The following IMMP1L variants were observed in gnomAD, a reference collection of about 807,000 sequenced individuals.
The protein encoded by IMMP1L is mitochondrial inner membrane protease subunit 1.
In IMMP1L, 24 loss-of-function variants were observed where a neutral mutation model predicts 21.8. That is an observed-to-expected ratio of 1.10 (90% CI 0.80 to 1.55). The LOEUF (loss-of-function observed/expected upper bound fraction) is 1.55, where lower values mean the gene tolerates loss of function less well. IMMP1L is among the 40% of genes most tolerant of loss of function. The pLI is 0.00. For synonymous variants in IMMP1L, 46 were observed against 62.8 expected (o/e 0.73, Z 1.26); for missense variants, 195 against 200.7 (o/e 0.97, Z 0.17).
At chr11:31,461,885 G>A (rs776053912) in intron 2 of IMMP1L, among the ~76,000 whole-genome samples, 3 of 151,998 alleles carry the variant, frequency 2.0e-5, no homozygotes, top group South Asian at 2.1e-4. Context: ...ATCTAAATCC[G>A]ACAGTCTCCA....
chr11:31,494,736 G>T (rs184455708), intron 1 of IMMP1L, among the ~76,000 whole-genome samples: 227 of 152,082 alleles, frequency 1.5e-3, no homozygotes, highest in South Asian at 2.5e-3. Context: ...CCACCTCCCG[G>T]ATTTACTTAC....
chr11:31,503,271 C>T (rs1168817426), intron 1 of IMMP1L, among the ~76,000 whole-genome samples: 1 of 152,088 alleles, frequency 6.6e-6, no homozygotes, highest in South Asian at 2.1e-4. Context: ...AGCTAGTGCA[C>T]GCTCTTAACT....
chr11:31,433,328 C>T (rs994719890), intron 5 of IMMP1L, 132 bp downstream of exon 5: 13 of 538,246 alleles, frequency 2.4e-5, no homozygotes, highest in Admixed American at 1.1e-4. Flanking sequence ...TAAGTTAAGG[C>T]CAACAGGTTC....
intron 1 of IMMP1L, among the ~76,000 whole-genome samples, chr11:31,503,857 A>C (rs1032621344): frequency 6.6e-6 from 1 of 152,250 alleles, no homozygotes; most frequent in Non-Finnish European, 1.5e-5. Context: ...TGAGAGAAAG[A>C]AAGCCAGCCT....
chr11:31,450,199 ATGT>A (rs897221487), intron 4 of IMMP1L, among the ~76,000 whole-genome samples: 5 of 152,212 alleles, frequency 3.3e-5, no homozygotes, highest in Non-Finnish European at 7.4e-5. Context: ...GTAGTTCAAT[ATGT>A]CCAAAAGGCA....
At chr11:31,462,662 G>A (rs1954192224) in intron 2 of IMMP1L, among the ~76,000 whole-genome samples, 1 of 152,164 alleles carries the variant, frequency 6.6e-6, no homozygotes, top group African/African-American at 2.4e-5. Context: ...TACAGTTATT[G>A]TGGTTATGAG....
chr11:31,432,638 G>GCTAT, intron 5 of IMMP1L, 70 bp from the exon 6 acceptor site: 1 of 1,022,192 alleles, frequency 9.8e-7, no homozygotes, highest in Non-Finnish European at 1.6e-6. Flanking sequence ...ATTCCCTTTT[G>GCTAT]CTATCTGTCC....
rs1361273342 is a variant in IMMP1L, at chr11:31,507,478, T to C, written c.-30+2041A>G. 2.0e-5 allele frequency among the ~76,000 whole-genome samples: 3 copies of C among 152,124 alleles called. No individual in the cohort carries two copies. The East Asian group carries it at 5.8e-4, about 29-fold the overall frequency. ...CATCATCTTGGGAAATCTAAAGGGT[T>C]AAGTAAATACAGTAGGAAACAAGGG... On this transcript the variant is annotated intron_variant, in intron 1 of 5. Coordinates refer to ENST00000532287, the MANE Select transcript of IMMP1L (RefSeq NM_001304274.2).
intron 4 of IMMP1L, among the ~76,000 whole-genome samples, chr11:31,447,122 A>G (rs1046312839): frequency 6.6e-6 from 1 of 152,230 alleles, no homozygotes; most frequent in African/African-American, 2.4e-5. Flanking sequence ...GCCCTCAAGT[A>G]AGTGCTCAGT....
At chr11:31,498,687 T>C (rs1424367548) in intron 1 of IMMP1L, among the ~76,000 whole-genome samples, 2 of 152,236 alleles carry the variant, frequency 1.3e-5, no homozygotes, top group Non-Finnish European at 2.9e-5. Context: ...GATAAGAGTA[T>C]GAATTCTGTA....
chr11:31,460,083 G>A (rs1278899081), intron 3 of IMMP1L, among the ~76,000 whole-genome samples: 2 of 152,052 alleles, frequency 1.3e-5, no homozygotes, highest in Admixed American at 6.5e-5. Context: ...CTGGAGCCCA[G>A]GAGGTTGAGG....
intron 1 of IMMP1L, among the ~76,000 whole-genome samples, chr11:31,470,412 TCAAAAAACAAAAAA>T (rs1191073596): frequency 7.0e-6 from 1 of 143,758 alleles, no homozygotes; most frequent in Non-Finnish European, 1.5e-5. Flanking sequence ...AAACTCCATC[TCAAAAAACAAAAAA>T]CAAAAAACAA....
intron 4 of IMMP1L, among the ~76,000 whole-genome samples, chr11:31,446,191 C>T (rs1452126354): frequency 6.6e-6 from 1 of 152,128 alleles, no homozygotes; most frequent in Non-Finnish European, 1.5e-5. Flanking sequence ...TTTCAATTCC[C>T]TTTCTTCCAG....
At chr11:31,449,191 C>A in intron 4 of IMMP1L, 1 of 500,538 alleles carries the variant, frequency 2.0e-6, no homozygotes, top group Non-Finnish European at 2.6e-6. Context: ...AGTATATCAG[C>A]AGCTTATAAT....
chr11:31,438,497 G>C lies in IMMP1L; in HGVS notation c.322-4927C>G, dbSNP rs1564966145. ...TTTTTAAATGATGTTTTGACAAGCA[G>C]AAGTTTTTAATGTTGCTGAGGTCCA... is the stretch of plus-strand genomic sequence containing the variant. On this transcript the variant is annotated intron_variant, in intron 4 of 5. Coordinates refer to ENST00000532287, the MANE Select transcript of IMMP1L (RefSeq NM_001304274.2). 2.6e-5 allele frequency among the ~76,000 whole-genome samples: 4 copies of C among 152,214 alleles called. No homozygotes were observed. In the South Asian group the frequency reaches 8.3e-4, roughly 32 times the overall value.
intron 1 of IMMP1L, among the ~76,000 whole-genome samples, chr11:31,479,601 T>C (rs1954824483): frequency 6.6e-6 from 1 of 152,010 alleles, no homozygotes; most frequent in African/African-American, 2.4e-5. Context: ...AGATGACTAG[T>C]CCAAATTGAG....
At chr11:31,436,228 A>C (rs954270872) in intron 4 of IMMP1L, among the ~76,000 whole-genome samples, 1 of 152,052 alleles carries the variant, frequency 6.6e-6, no homozygotes, top group East Asian at 1.9e-4. Flanking sequence ...TTTATGCAGT[A>C]TTTACTTTTA....
chr11:31,478,271 T>C (rs1470437429), intron 1 of IMMP1L, among the ~76,000 whole-genome samples: 4 of 152,238 alleles, frequency 2.6e-5, no homozygotes, highest in African/African-American at 9.6e-5. Context: ...TAGATTCACA[T>C]AAATTAGTTG....
rs1004927813 is a variant in IMMP1L at position 31,476,290 on chromosome 11, A to G, written c.-29-12985T>C. 3.9e-5 allele frequency among the ~76,000 whole-genome samples: 6 copies of G among 152,214 alleles called. No individual in the cohort carries two copies. In the South Asian group the frequency reaches 1.0e-3, roughly 26 times the overall value. On this transcript the variant is annotated intron_variant, in intron 1 of 5. Transcript: ENST00000532287. ...ATGCAGTTTACTGGAAATATTGGCA[A>G]GCTTTCTCATTTATTCATTCAAAAT...
Sources: gnomAD v4.1 joint callset for allele counts (sites outside exome capture counted in the v4.1 genomes callset) on GRCh38, gnomAD v4.1.1 for gene constraint, MANE v1.5 for transcripts, NCBI Gene and HGNC (gene_info 2026-07-23, HGNC 2026-07-21) for gene names.